Variants in MYO1E observed in about 807,000 individuals in gnomAD.
The protein encoded by MYO1E is myosin IE.
Under a neutral mutation model 151.1 loss-of-function variants are expected in MYO1E, and 68 were observed. The observed-to-expected ratio is 0.45, with a 90% confidence interval of 0.37 to 0.55. MYO1E has a LOEUF of 0.55. Among genes scored for constraint, MYO1E ranks in the 20% least tolerant of loss-of-function variants. The pLI, the probability that MYO1E is intolerant of heterozygous loss-of-function variation, is 0.00. For missense variants in MYO1E, 1,363 were observed against 1,389.3 expected, an observed-to-expected ratio of 0.98 and a Z score of 0.30; for synonymous variants, 601 against 501.7, an observed-to-expected ratio of 1.20 and a Z score of -2.64.
At chr15:59,155,650 G>A (rs370945954) in intron 25 of MYO1E, among the ~76,000 whole-genome samples, 4 of 152,284 alleles carry the variant, frequency 2.6e-5, no homozygotes, top group Admixed American at 6.5e-5. Flanking sequence ...TGGAACCAGC[G>A]CACACGCAGT....
intron 1 of MYO1E, among the ~76,000 whole-genome samples, chr15:59,297,103 C>T (rs1237145957): frequency 2.8e-4 from 42 of 148,912 alleles, no homozygotes; most frequent in African/African-American, 7.4e-4. Context: ...CCACTCGCCT[C>T]GGCCTCCCAA....
intron 1 of MYO1E, among the ~76,000 whole-genome samples, chr15:59,279,622 T>C (rs2080341440): frequency 6.6e-6 from 1 of 152,116 alleles, no homozygotes; most frequent in Non-Finnish European, 1.5e-5. Context: ...CCTGGGCCAC[T>C]GGGAAGATCA....
intron 1 of MYO1E, among the ~76,000 whole-genome samples, chr15:59,338,995 G>T (rs2080747119): frequency 6.6e-6 from 1 of 152,174 alleles, no homozygotes; most frequent in South Asian, 2.1e-4. Flanking sequence ...AGCCAGGCGT[G>T]GTGGCACATG....
intron 26 of MYO1E, among the ~76,000 whole-genome samples, chr15:59,143,855 C>G (rs184718578): frequency 2.6e-5 from 4 of 152,342 alleles, no homozygotes; most frequent in African/African-American, 9.6e-5. Flanking sequence ...ACTGCTAACT[C>G]CTGCTCGGCC....
At chr15:59,363,754 T>A (rs2080898300) in intron 1 of MYO1E, among the ~76,000 whole-genome samples, 1 of 152,154 alleles carries the variant, frequency 6.6e-6, no homozygotes, top group Admixed American at 6.5e-5. Flanking sequence ...TATGGGGAGC[T>A]TCTCATAAGC....
chr15:59,154,292 G>C (rs1408281203), intron 25 of MYO1E, among the ~76,000 whole-genome samples: 1 of 152,230 alleles, frequency 6.6e-6, no homozygotes, highest in East Asian at 1.9e-4. Context: ...ATCCACGGCA[G>C]GAGCCTGCTG....
intron 1 of MYO1E, among the ~76,000 whole-genome samples, chr15:59,299,975 G>A (rs1238411657): frequency 1.3e-5 from 2 of 152,060 alleles, no homozygotes; most frequent in Non-Finnish European, 2.9e-5. Context: ...CTCCTATCTG[G>A]CAAAGGTTTT....
intron 1 of MYO1E, among the ~76,000 whole-genome samples, chr15:59,294,912 C>T (rs2080440281): frequency 6.6e-6 from 1 of 152,138 alleles, no homozygotes; most frequent in South Asian, 2.1e-4. Flanking sequence ...TCAATCTAGT[C>T]CATCCTTGAA....
At chr15:59,236,955 G>A (rs572539429) in intron 4 of MYO1E, among the ~76,000 whole-genome samples, 1 of 152,264 alleles carries the variant, frequency 6.6e-6, no homozygotes, top group South Asian at 2.1e-4. Flanking sequence ...TGGGGGATAT[G>A]ATTAGGAAAA....
intron 26 of MYO1E, among the ~76,000 whole-genome samples, chr15:59,146,276 T>C (rs2079441111): frequency 6.6e-6 from 1 of 152,204 alleles, no homozygotes; most frequent in Admixed American, 6.5e-5. Context: ...AAAATCGTGT[T>C]ATAAAAATAA....
chr15:59,368,176 T>C (rs1264375130), intron 1 of MYO1E, among the ~76,000 whole-genome samples: 1 of 152,154 alleles, frequency 6.6e-6, no homozygotes, highest in African/African-American at 2.4e-5. Context: ...ATTTCTAGTT[T>C]CTCTTGAAAA....
chr15:59,281,276 C>CTTTTTT (rs1462934359), intron 1 of MYO1E, among the ~76,000 whole-genome samples: 1 of 148,498 alleles, frequency 6.7e-6, no homozygotes, highest in African/African-American at 2.5e-5. Flanking sequence ...TTTTTCTTTT[C>CTTTTTT]TTTCTTTTTT....
At chr15:59,273,057 T>C (rs1348961140) in intron 1 of MYO1E, among the ~76,000 whole-genome samples, 1 of 152,190 alleles carries the variant, frequency 6.6e-6, no homozygotes, top group African/African-American at 2.4e-5. Flanking sequence ...ATTCAAAAGA[T>C]AGGCTACATT....
intron 1 of MYO1E, among the ~76,000 whole-genome samples, chr15:59,326,076 A>G (rs1160438758): frequency 6.6e-6 from 1 of 152,174 alleles, no homozygotes; most frequent in African/African-American, 2.4e-5. Context: ...AACTCTCATT[A>G]AACTCAAAGG....
At chr15:59,306,205 T>G (rs927369380) in intron 1 of MYO1E, among the ~76,000 whole-genome samples, 2 of 152,178 alleles carry the variant, frequency 1.3e-5, no homozygotes, top group Non-Finnish European at 2.9e-5. Flanking sequence ...CTTCTCAGAA[T>G]CCAAAATAAG....
chr15:59,263,912 T>C (rs2080238554), intron 2 of MYO1E, among the ~76,000 whole-genome samples: 1 of 152,184 alleles, frequency 6.6e-6, no homozygotes, highest in Non-Finnish European at 1.5e-5. Flanking sequence ...ATACATGTAC[T>C]GTTAAAATTA....
At chr15:59,209,060 A>C (rs1439935960) in intron 13 of MYO1E, 12 of 625,738 alleles carry the variant, frequency 1.9e-5, no homozygotes, top group Non-Finnish European at 3.3e-5. Flanking sequence ...ACTTTCCAAA[A>C]AGCTGTTTAA....
chr15:59,217,933 G>A lies in MYO1E; in HGVS notation c.1065C>T (p.Leu355=), dbSNP rs146652440. The change falls in exon 10 of 28, where the codon CTC becomes CTT. Residue 355 remains leucine (L), a synonymous_variant. Coordinates refer to ENST00000288235, the MANE Select transcript of MYO1E (RefSeq NM_004998.4). Reference sequence around the variant, plus strand: ...AGACCCGGGCGTGCAGGGCCTTGGCGAGCGCATCCCGGGTGTAACAGGCCT... The same window carrying A: ...AGACCCGGGCGTGCAGGGCCTTGGCAAGCGCATCCCGGGTGTAACAGGCCT... ...VEQACYTRDA[L]AKALHARVFD... 114 of 1,614,182 alleles carry A rather than the reference G, an allele frequency of 7.1e-5. No individual in the cohort carries two copies. In the African/African-American group the frequency reaches 1.1e-3, roughly 16 times the overall value.
intron 18 of MYO1E, among the ~76,000 whole-genome samples, chr15:59,185,713 A>G (rs1049393461): frequency 6.6e-6 from 1 of 152,218 alleles, no homozygotes; most frequent in Non-Finnish European, 1.5e-5. Context: ...TTATCTCTAA[A>G]ATAAATAAAT....
Sources: gnomAD v4.1 joint callset for allele counts (sites outside exome capture counted in the v4.1 genomes callset) on GRCh38, gnomAD v4.1.1 for gene constraint, MANE v1.5 for transcripts, NCBI Gene and HGNC (gene_info 2026-07-23, HGNC 2026-07-21) for gene names.